CYP19A1: variants seen among roughly 807,000 people sequenced by gnomAD.
The protein encoded by CYP19A1 is cytochrome P450 family 19 subfamily A member 1.
CYP19A1 carries 32 observed loss-of-function variants against 44.4 expected under a neutral mutation model. The ratio of observed to expected loss-of-function variants is 0.72; its 90% CI spans 0.54 to 0.97. The LOEUF is 0.97. Ranked by LOEUF, CYP19A1 falls within the 50% of genes least tolerant of loss-of-function variation. CYP19A1 has a pLI of 0.00. For missense variants in CYP19A1, 598 were observed against 637.8 expected (o/e 0.94, Z 0.67); for synonymous variants, 212 against 215.6 (o/e 0.98, Z 0.14).
chr15:51,330,670 G>A (rs989395573), intron 1 of CYP19A1, among the ~76,000 whole-genome samples: 5 of 152,120 alleles, frequency 3.3e-5, no homozygotes, highest in African/African-American at 9.7e-5. Flanking sequence ...CAACCCTGGA[G>A]AACACTAGCA....
intron 5 of CYP19A1, 117 bp downstream of exon 5, chr15:51,222,232 T>C (rs2032150292): frequency 3.9e-6 from 6 of 1,557,870 alleles, no homozygotes; most frequent in Admixed American, 1.9e-5. Context: ...TACTTAGAAA[T>C]GTTTAAACAA....
chr15:51,322,525 A>G (rs1010346975), intron 1 of CYP19A1, among the ~76,000 whole-genome samples: 5 of 152,240 alleles, frequency 3.3e-5, no homozygotes, highest in Non-Finnish European at 7.3e-5. Flanking sequence ...AGATAATAAA[A>G]GCAAACTAGA....
chr15:51,328,378 C>A (rs973036407), intron 1 of CYP19A1, among the ~76,000 whole-genome samples: 32 of 152,318 alleles, frequency 2.1e-4, no homozygotes, highest in Admixed American at 1.3e-3. Context: ...ATGGTCCTGA[C>A]CACTGCAGAG....
chr15:51,278,482 G>C (rs1472376529), intron 1 of CYP19A1, among the ~76,000 whole-genome samples: 1 of 152,200 alleles, frequency 6.6e-6, no homozygotes, highest in East Asian at 1.9e-4. Context: ...CACACACATA[G>C]ATACCTGTCC....
chr15:51,282,319 C>T (rs1415466218), intron 1 of CYP19A1, among the ~76,000 whole-genome samples: 1 of 152,138 alleles, frequency 6.6e-6, no homozygotes, highest in Non-Finnish European at 1.5e-5. Flanking sequence ...GGGCTCAGTG[C>T]ATAAAACCCC....
intron 2 of CYP19A1, among the ~76,000 whole-genome samples, chr15:51,240,190 G>T (rs558384292): frequency 1.3e-5 from 2 of 151,836 alleles, no homozygotes; most frequent in Non-Finnish European, 2.9e-5. Context: ...TAATCCCCTC[G>T]GGGCAGAAAC....
rs754398226 is a variant in CYP19A1, at chr15:51,215,723, T to C, written c.838A>G (p.Thr280Ala). ...AGTACCTCTGCTAAAATCAACTCAG[T>C]GGCAAAGTCCATACATTCTTCCAGT... ...EKLEECMDFA[T>A]ELILAEKRGD... Residue 280 changes from threonine to alanine, a missense_variant, in exon 7 of 10, where the codon ACT becomes GCT. By Grantham distance (58) the Thr-to-Ala change is moderately conservative (BLOSUM62 0). Transcript: ENST00000396402. 1.9e-6 allele frequency: 3 copies of C among 1,614,046 alleles called. No individual in the cohort carries two copies. The highest frequency in any genetic ancestry group is 2.2e-5 in the South Asian group (2 of 91,082).
intron 4 of CYP19A1, among the ~76,000 whole-genome samples, chr15:51,226,148 CAG>C (rs1234997330): frequency 1.4e-5 from 2 of 147,080 alleles, no homozygotes; most frequent in Admixed American, 6.8e-5. Flanking sequence ...AGGTCAAAGC[CAG>C]AGAGAGATGG....
chr15:51,257,730 T>G (rs2034567052), intron 1 of CYP19A1, among the ~76,000 whole-genome samples: 2 of 151,670 alleles, frequency 1.3e-5, no homozygotes, highest in Admixed American at 6.6e-5. Flanking sequence ...CTGAGCCACT[T>G]AAAAACAGCA....
chr15:51,312,421 T>G (rs1404063507), intron 1 of CYP19A1: 1 of 152,214 alleles, frequency 6.6e-6, no homozygotes, highest in Non-Finnish European at 1.5e-5. Flanking sequence ...CATCATTTCA[T>G]CCTCCCAACC....
chr15:51,273,288 C>CA (rs1271200092), intron 1 of CYP19A1, among the ~76,000 whole-genome samples: 5 of 152,110 alleles, frequency 3.3e-5, no homozygotes, highest in African/African-American at 1.2e-4. Context: ...ACTATATGAT[C>CA]AATAGGCAGA....
intron 1 of CYP19A1, among the ~76,000 whole-genome samples, chr15:51,303,177 G>C (rs1252430614): frequency 6.6e-6 from 1 of 152,134 alleles, no homozygotes; most frequent in Non-Finnish European, 1.5e-5. Flanking sequence ...GTGGAGATGG[G>C]GTGGGCAGAT....
Position 51,247,805 on chromosome 15 carries a change from A to T in CYP19A1, c.-38-4855T>A, listed in dbSNP as rs73401894. 4.8e-3 allele frequency among the ~76,000 whole-genome samples: 735 copies of T among 152,042 alleles called. 7 individuals carry two copies. Among genetic ancestry groups the T allele is most frequent in the African/African-American group, 0.017 (686 of 41,448 alleles). ...ACTTCCCTTTTCCCTTTACTTTCCT[A>T]CCATATCCCTTCCCATCCCAGCCTA... On this transcript the variant is annotated intron_variant, in intron 1 of 9. Transcript: ENST00000396402.
intron 1 of CYP19A1, among the ~76,000 whole-genome samples, chr15:51,243,391 C>A (rs1371612982): frequency 1.3e-5 from 2 of 152,190 alleles, no homozygotes; most frequent in Non-Finnish European, 2.9e-5. Flanking sequence ...AAGGCAATCT[C>A]CCAACTCCCC....
intron 1 of CYP19A1, among the ~76,000 whole-genome samples, chr15:51,316,433 T>C (rs935456965): frequency 6.6e-6 from 1 of 152,250 alleles, no homozygotes; most frequent in Admixed American, 6.5e-5. Context: ...TAAAATGAGT[T>C]AAGTGTTTTG....
Position 51,290,148 on chromosome 15 carries a change from T to TGAG in CYP19A1, c.-38-47201_-38-47199dup, listed in dbSNP as rs199549963. On this transcript the variant is annotated intron_variant, in intron 1 of 9. Coordinates refer to ENST00000396402, the MANE Select transcript of CYP19A1 (RefSeq NM_000103.4). Reference sequence around the variant, plus strand: ...CAGTTTCCCAGGAACTACCTGGGACTGAGGCATTGTGTTTCCCTTTGCACA... The same window carrying TGAG: ...CAGTTTCCCAGGAACTACCTGGGACTGAGGAGGCATTGTGTTTCCCTTTGCACA... Among the ~76,000 whole-genome samples, 838 of 152,342 alleles carry TGAG rather than the reference T, an allele frequency of 5.5e-3. 11 individuals carry two copies. The highest frequency in any genetic ancestry group is 0.019 in the African/African-American group (807 of 41,570).
At chr15:51,320,024 C>T (rs984124228) in intron 1 of CYP19A1, among the ~76,000 whole-genome samples, 16 of 152,254 alleles carry the variant, frequency 1.1e-4, no homozygotes, top group African/African-American at 3.9e-4. Context: ...CTCTTACTTT[C>T]TACAACACTA....
At chr15:51,295,090 CA>C (rs1329059418) in intron 1 of CYP19A1, among the ~76,000 whole-genome samples, 1 of 147,034 alleles carries the variant, frequency 6.8e-6, no homozygotes, top group African/African-American at 2.5e-5. Flanking sequence ...GCTGAATACT[CA>C]AAATTCTTCA....
intron 1 of CYP19A1, among the ~76,000 whole-genome samples, chr15:51,271,997 A>C (rs577265425): frequency 1.2e-4 from 19 of 152,346 alleles, no homozygotes; most frequent in African/African-American, 3.8e-4. Flanking sequence ...ATTGTCCTAT[A>C]TCACCAAGTT....
Sources: gnomAD v4.1 joint callset for allele counts (sites outside exome capture counted in the v4.1 genomes callset) on GRCh38, gnomAD v4.1.1 for gene constraint, MANE v1.5 for transcripts, NCBI Gene and HGNC (gene_info 2026-07-23, HGNC 2026-07-21) for gene names.